AMMECR1: variants seen among roughly 807,000 people sequenced by gnomAD.
AMMECR1 encodes the protein nuclear protein AMMECR1.
In AMMECR1, 3 loss-of-function variants were observed where a neutral mutation model predicts 22.5. The observed-to-expected ratio is 0.13, with a 90% CI of 0.06 to 0.35. The LOEUF is 0.35. Ranked by LOEUF, AMMECR1 falls within the 10% of genes least tolerant of loss-of-function variation. The pLI is 1.00. For missense variants in AMMECR1, 235 were observed against 278.7 expected (o/e 0.84, Z 1.12); for synonymous variants, 130 against 116.7 (o/e 1.11, Z -0.74).
At chrX:110,227,465 C>T (rs112285755) in intron 2 of AMMECR1, among the ~76,000 whole-genome samples, 4,975 of 112,071 alleles carry the variant, frequency 0.044, 291 homozygotes, top group African/African-American at 0.16. Flanking sequence ...TTATCAAGTC[C>T]GTCATACTGA....
At chrX:110,215,536 T>G (rs1319311597) in intron 3 of AMMECR1, among the ~76,000 whole-genome samples, 1 of 112,048 alleles carries the variant, frequency 8.9e-6, no homozygotes, top group Non-Finnish European at 1.9e-5. Context: ...GGGATGGTCC[T>G]TCTAAAACAG....
intron 1 of AMMECR1, among the ~76,000 whole-genome samples, chrX:110,286,162 A>T (rs778508284): frequency 2.7e-5 from 3 of 112,115 alleles, no homozygotes; most frequent in South Asian, 3.7e-4. Context: ...TCTAACGAAC[A>T]TAAGTATACT....
intron 2 of AMMECR1, among the ~76,000 whole-genome samples, chrX:110,371,539 C>G (rs759953200): frequency 9.0e-6 from 1 of 111,653 alleles, no homozygotes; most frequent in East Asian, 2.8e-4. Flanking sequence ...CCCAGCCCCC[C>G]ACTACCTTCC....
intron 1 of AMMECR1, among the ~76,000 whole-genome samples, chrX:110,435,144 G>A (rs1288059085): frequency 1.0e-5 from 1 of 97,007 alleles, no homozygotes; most frequent in African/African-American, 3.8e-5. Context: ...GAAGAAGGAG[G>A]GAGTGAGGGA....
At chrX:110,434,388 CA>C (rs2068820414) in intron 1 of AMMECR1, among the ~76,000 whole-genome samples, 1 of 111,425 alleles carries the variant, frequency 9.0e-6, no homozygotes, top group Admixed American at 9.5e-5. Flanking sequence ...GAAGAGAGGC[CA>C]GCTGCATGCG....
At chrX:110,307,475 T>C (rs2068002536) in intron 1 of AMMECR1, among the ~76,000 whole-genome samples, 1 of 111,884 alleles carries the variant, frequency 8.9e-6, no homozygotes, top group Non-Finnish European at 1.9e-5. Flanking sequence ...TATCATTTAA[T>C]AGTGCCTGTT....
At chrX:110,333,192 A>G (rs990805137) in intron 2 of AMMECR1, among the ~76,000 whole-genome samples, 1 of 112,013 alleles carries the variant, frequency 8.9e-6, no homozygotes, top group African/African-American at 3.2e-5. Context: ...GGAGGTAAAA[A>G]CCATGAGGGA....
chrX:110,257,632 G>A (rs2067717483), intron 2 of AMMECR1, among the ~76,000 whole-genome samples: 1 of 111,834 alleles, frequency 8.9e-6, no homozygotes, highest in Non-Finnish European at 1.9e-5. Flanking sequence ...CCAGAAAGTG[G>A]TACATACTGT....
At chrX:110,215,432 C>T (rs2067468801) in intron 3 of AMMECR1, among the ~76,000 whole-genome samples, 1 of 111,768 alleles carries the variant, frequency 8.9e-6, no homozygotes, top group African/African-American at 3.3e-5. Flanking sequence ...CAAAGTCTCA[C>T]AAGGAATCAG....
chrX:110,428,914 C>T (rs2068774531), intron 1 of AMMECR1, among the ~76,000 whole-genome samples: 2 of 112,236 alleles, frequency 1.8e-5, no homozygotes, highest in Admixed American at 9.4e-5. Flanking sequence ...CTTCAGGGTC[C>T]GATGCGACGG....
chrX:110,378,883 A>G (rs904820907), intron 2 of AMMECR1, among the ~76,000 whole-genome samples: 1 of 109,599 alleles, frequency 9.1e-6, no homozygotes, highest in Admixed American at 9.6e-5. Flanking sequence ...CAGCTTCTCC[A>G]TGGAGAAGAC....
intron 4 of AMMECR1, 66 bp downstream of exon 4, chrX:110,202,380 G>A (rs972920770): frequency 2.6e-5 from 22 of 856,602 alleles, no homozygotes; most frequent in African/African-American, 1.6e-4. Flanking sequence ...GTCAGATAAC[G>A]CATTTCAGTT....
At chrX:110,270,597 TCTC>T (rs2067793642) in intron 1 of AMMECR1, among the ~76,000 whole-genome samples, 1 of 111,917 alleles carries the variant, frequency 8.9e-6, no homozygotes, top group African/African-American at 3.3e-5. Flanking sequence ...ATAAGCACAA[TCTC>T]CTCTTCCTCC....
At chrX:110,275,912 T>C (rs930470482) in intron 1 of AMMECR1, among the ~76,000 whole-genome samples, 10 of 111,970 alleles carry the variant, frequency 8.9e-5, no homozygotes, top group Admixed American at 4.7e-4. Context: ...TTGAGCTTCT[T>C]AGATTTATGG....
intron 2 of AMMECR1, among the ~76,000 whole-genome samples, chrX:110,359,177 T>C (rs994749235): frequency 5.4e-5 from 6 of 111,440 alleles, no homozygotes; most frequent in African/African-American, 1.6e-4. Flanking sequence ...CTGGATCTAG[T>C]GGCTGTGTTA....
rs767096841 is a variant in AMMECR1, at chrX:110,201,022, G to T, written c.819C>A (p.Ser273=). The T allele has an allele frequency of 8.3e-7, 1 of 1,203,485 alleles. No homozygotes were observed. Among genetic ancestry groups the T allele is most frequent in the Non-Finnish European group, 1.1e-6 (1 of 888,801 alleles). ...QGWDHIQTID[S]LLRKGGYKAP... ...CTTTGTATCCTCCTTTCCTCAATAAGGAGTCTATGGTCTGTATATGGTCCC... is the reference window on the plus strand; with the variant it reads ...CTTTGTATCCTCCTTTCCTCAATAATGAGTCTATGGTCTGTATATGGTCCC... Residue 273 remains serine, a synonymous_variant, in exon 5 of 6, where the codon TCC becomes TCA. Transcript: ENST00000262844.
rs374374208 is a variant in AMMECR1, at chrX:110,340,588, A to T, written c.-147-22739T>A. Among the ~76,000 whole-genome samples, 3 of 111,961 alleles carry T rather than the reference A, an allele frequency of 2.7e-5. No homozygotes were observed. In the East Asian group the frequency reaches 8.3e-4, roughly 31 times the overall value. On this transcript the variant is annotated intron_variant, in intron 2 of 7. Transcript: ENST00000372057. ...ATAGTTACTAGTGTGACCATGAACAAATCATATAACCTCTCTGAGTTACAA... is the reference window on the plus strand; with the variant it reads ...ATAGTTACTAGTGTGACCATGAACATATCATATAACCTCTCTGAGTTACAA...
chrX:110,405,094 C>A (rs868407925), intron 2 of AMMECR1, among the ~76,000 whole-genome samples: 8 of 100,260 alleles, frequency 8.0e-5, no homozygotes, highest in African/African-American at 1.5e-4. Context: ...TGTGTCCCCC[C>A]CCCCCCCAAG....
At chrX:110,379,815 G>T (rs553200613) in intron 2 of AMMECR1, among the ~76,000 whole-genome samples, 1 of 111,856 alleles carries the variant, frequency 8.9e-6, no homozygotes, top group Admixed American at 9.4e-5. Context: ...GCCTTTGAGT[G>T]GTCTTTTCAA....
Sources: gnomAD v4.1 joint callset for allele counts (sites outside exome capture counted in the v4.1 genomes callset) on GRCh38, gnomAD v4.1.1 for gene constraint, MANE v1.5 for transcripts, NCBI Gene and HGNC (gene_info 2026-07-23, HGNC 2026-07-21) for gene names.